The following PCBD2 variants were observed in gnomAD, a reference collection of about 807,000 sequenced individuals.
PCBD2 encodes pterin-4 alpha-carbinolamine dehydratase 2.
In PCBD2, 12 loss-of-function variants were observed where a neutral mutation model predicts 16.4. That is an observed-to-expected ratio of 0.73 (90% CI 0.47 to 1.19). The LOEUF is 1.19. Ranked by LOEUF, PCBD2 falls within the 50% of genes most tolerant of loss-of-function variation. The pLI is 0.00. For missense variants in PCBD2, 138 were observed against 156.8 expected, an observed-to-expected ratio of 0.88 and a Z score of 0.64; for synonymous variants, 58 against 61.8, an observed-to-expected ratio of 0.94 and a Z score of 0.29.
intron 3 of PCBD2, 34 bp downstream of exon 3, chr5:134,959,154 A>G (rs1448644792): frequency 6.7e-7 from 1 of 1,482,288 alleles, no homozygotes; most frequent in Non-Finnish European, 9.4e-7. Context: ...AATCACCTTA[A>G]TTATGGAGTT....
chr5:134,919,870 C>A (rs1037641246), intron 2 of PCBD2, among the ~76,000 whole-genome samples: 1 of 152,200 alleles, frequency 6.6e-6, no homozygotes, highest in African/African-American at 2.4e-5. Flanking sequence ...GTTTGCACTG[C>A]AGTTTTGTCC....
chr5:134,910,834 A>T (rs959894596), intron 2 of PCBD2, among the ~76,000 whole-genome samples: 1 of 152,314 alleles, frequency 6.6e-6, no homozygotes, highest in South Asian at 2.1e-4. Flanking sequence ...TCTGTTGCCC[A>T]GGCTGGAGTA....
intron 2 of PCBD2, among the ~76,000 whole-genome samples, chr5:134,929,129 A>G (rs1321223188): frequency 6.6e-6 from 1 of 152,148 alleles, no homozygotes; most frequent in African/African-American, 2.4e-5. Flanking sequence ...ATGGCTCAGG[A>G]CTTGGTCCAT....
intron 2 of PCBD2, among the ~76,000 whole-genome samples, chr5:134,947,389 ATTTTTTT>A (rs1220114582): frequency 3.9e-5 from 4 of 103,052 alleles, no homozygotes; most frequent in East Asian, 2.8e-4. Context: ...CCCGGCCTCA[ATTTTTTT>A]TTTTTTTTTT....
At chr5:134,947,117 A>C (rs1043826815) in intron 2 of PCBD2, among the ~76,000 whole-genome samples, 3 of 146,122 alleles carry the variant, frequency 2.1e-5, no homozygotes, top group African/African-American at 7.7e-5. Context: ...TTTGAGATGG[A>C]GTTTTGCTCT....
At chr5:134,957,402 A>G (rs1407996381) in intron 2 of PCBD2, among the ~76,000 whole-genome samples, 1 of 152,250 alleles carries the variant, frequency 6.6e-6, no homozygotes, top group Non-Finnish European at 1.5e-5. Flanking sequence ...GTTGATTAGC[A>G]TTGTACATCT....
At chr5:134,949,353 G>A (rs1222385125) in intron 2 of PCBD2, among the ~76,000 whole-genome samples, 1 of 152,086 alleles carries the variant, frequency 6.6e-6, no homozygotes, top group Non-Finnish European at 1.5e-5. Context: ...TAATATCAAA[G>A]TGTTATTGAT....
In PCBD2 at chr5:134,911,492, T is replaced by A. The variant is rs191336014; in HGVS notation, c.216+1026T>A. Among the ~76,000 whole-genome samples the A allele has an allele frequency of 9.5e-4, 145 of 152,372 alleles. 3 individuals carry two copies. Among genetic ancestry groups the A allele is most frequent in the Admixed American group, 8.2e-3 (125 of 15,308 alleles). On this transcript the variant is annotated intron_variant, in intron 2 of 3. Transcript: ENST00000254908. ...TTGGTAATCCTTTGGACAGATTTAT[T>A]GTTTTTATTTATATTGGGTGTCGGC...
intron 2 of PCBD2, chr5:134,926,885 G>T: frequency 2.5e-6 from 1 of 398,628 alleles, no homozygotes. Flanking sequence ...AGGAGAATGT[G>T]GTTACTAGCA....
At position 134,959,102 on chromosome 5, in the gene PCBD2, G is replaced by C; in HGVS notation, c.279G>C (p.Trp93Cys). The C allele has an allele frequency of 6.2e-7, 1 of 1,613,484 alleles. No homozygotes were observed. The highest frequency in any genetic ancestry group is 1.6e-4 in the Middle Eastern group (1 of 6,062). ...QAEKMNHHPE[W>C]FNVYNKVQIT... ...AGAAGATGAATCATCACCCAGAATG[G>C]TTCAATGTATACAACAAGGTAACTA... The change falls in exon 3 of 4, where the codon TGG (tryptophan) becomes TGC (cysteine). Residue 93 changes from tryptophan to cysteine, a missense_variant. Trp to Cys is a radical substitution (Grantham distance 215). Coordinates refer to ENST00000254908, the MANE Select transcript of PCBD2 (RefSeq NM_032151.5).
intron 1 of PCBD2, 94 bp from the exon 2 acceptor site, chr5:134,910,241 G>A (rs1750751052): frequency 1.3e-5 from 18 of 1,371,652 alleles, no homozygotes; most frequent in Non-Finnish European, 1.8e-5. Flanking sequence ...TTGCCTTTCA[G>A]ACTTTTCTAC....
chr5:134,915,229 C>T (rs1314021642), intron 2 of PCBD2, among the ~76,000 whole-genome samples: 3 of 151,684 alleles, frequency 2.0e-5, no homozygotes, highest in South Asian at 4.2e-4. Flanking sequence ...GGAGGAGAAT[C>T]GCTTGAACCT....
chr5:134,955,422 CT>C (rs1311247079), intron 2 of PCBD2, among the ~76,000 whole-genome samples: 4 of 151,630 alleles, frequency 2.6e-5, no homozygotes, highest in African/African-American at 9.7e-5. Flanking sequence ...ATTCTCCTGC[CT>C]CAACCTCCCG....
intron 2 of PCBD2, among the ~76,000 whole-genome samples, chr5:134,914,118 G>A (rs1209154947): frequency 6.6e-6 from 1 of 152,172 alleles, no homozygotes; most frequent in Non-Finnish European, 1.5e-5. Context: ...GGTCCAGTTA[G>A]GCAGGAGAGG....
chr5:134,934,902 C>T (rs958519027), intron 2 of PCBD2, among the ~76,000 whole-genome samples: 8 of 152,198 alleles, frequency 5.3e-5, no homozygotes, highest in Non-Finnish European at 7.3e-5. Flanking sequence ...TGTTAAAAAA[C>T]ATCTAGATTT....
chr5:134,922,005 C>A (rs997824948), intron 2 of PCBD2, among the ~76,000 whole-genome samples: 1 of 152,216 alleles, frequency 6.6e-6, no homozygotes, highest in African/African-American at 2.4e-5. Context: ...GCCTACCTCG[C>A]ATTACTCTGC....
chr5:134,909,334 A>C (rs899378307), intron 1 of PCBD2, among the ~76,000 whole-genome samples: 2 of 152,226 alleles, frequency 1.3e-5, no homozygotes, highest in African/African-American at 4.8e-5. Context: ...AGTCCAGAGG[A>C]TCTGTGGACC....
chr5:134,938,932 T>C (rs1486420609), intron 2 of PCBD2, among the ~76,000 whole-genome samples: 1 of 152,212 alleles, frequency 6.6e-6, no homozygotes, highest in Non-Finnish European at 1.5e-5. Flanking sequence ...AAGCAGGGCC[T>C]AGCTGCACAT....
chr5:134,958,739 G>A (rs1029288073), intron 2 of PCBD2, among the ~76,000 whole-genome samples: 32 of 152,196 alleles, frequency 2.1e-4, no homozygotes, highest in African/African-American at 7.0e-4. Flanking sequence ...AATTATTCCC[G>A]TGCTATTTTG....
Sources: gnomAD v4.1 joint callset for allele counts (sites outside exome capture counted in the v4.1 genomes callset) on GRCh38, gnomAD v4.1.1 for gene constraint, MANE v1.5 for transcripts, NCBI Gene and HGNC (gene_info 2026-07-23, HGNC 2026-07-21) for gene names.